Variants in PEX5L observed in about 807,000 individuals in gnomAD.
PEX5L encodes PEX5-related protein.
PEX5L carries 30 observed loss-of-function variants against 84.0 expected under a neutral mutation model. That is an observed-to-expected ratio of 0.36 (90% CI 0.27 to 0.48). PEX5L has a LOEUF of 0.48. PEX5L is among the 20% of genes least tolerant of loss of function. The probability of loss-of-function intolerance (pLI) is 0.99; values close to 1 mark genes in which losing one functional copy is unlikely to be tolerated. For missense variants in PEX5L, 533 were observed against 754.6 expected (o/e 0.71, Z 3.44); for synonymous variants, 270 against 283.1 (o/e 0.95, Z 0.46).
rs746551798 is a variant in PEX5L, at chr3:179,875,448, C to G, written c.535G>C (p.Asp179His). The change falls in exon 6 of 15, where the codon GAT becomes CAT. Residue 179 changes from aspartate to histidine, a missense_variant. Coordinates refer to ENST00000467460, the MANE Select transcript of PEX5L (RefSeq NM_016559.3). ...DIQTQLEKWD[D>H]VKFHGDRNTK... is the part of the protein sequence containing the mutation. ...TTTCGATCTCCATGAAACTTAACAT[C>G]GTCCCATTTTTCCAGTTGTGTTTGA... 6.2e-7 allele frequency: 1 copy of G among 1,608,872 alleles called. No individual in the cohort carries two copies. The highest frequency in any genetic ancestry group is 2.2e-5 in the East Asian group (1 of 44,540).
At chr3:179,957,361 G>A (rs960959027) in intron 2 of PEX5L, among the ~76,000 whole-genome samples, 1 of 152,154 alleles carries the variant, frequency 6.6e-6, no homozygotes, top group African/African-American at 2.4e-5. Flanking sequence ...GGCTCAGGGA[G>A]GAAGGCTGGG....
intron 2 of PEX5L, among the ~76,000 whole-genome samples, chr3:179,920,519 T>C (rs1768951491): frequency 1.3e-5 from 2 of 152,144 alleles, no homozygotes; most frequent in South Asian, 4.1e-4. Flanking sequence ...AGATAACCTG[T>C]TATATAACAG....
chr3:179,959,817 G>A (rs2110084212), intron 2 of PEX5L, among the ~76,000 whole-genome samples: 1 of 152,198 alleles, frequency 6.6e-6, no homozygotes, highest in Middle Eastern at 3.4e-3. Flanking sequence ...CTCACCACAT[G>A]GGAAGAACCA....
chr3:179,922,749 C>A (rs955179417), intron 2 of PEX5L, among the ~76,000 whole-genome samples: 1 of 151,842 alleles, frequency 6.6e-6, no homozygotes. Flanking sequence ...CCACTGTGCC[C>A]AGCCCTTTTC....
At chr3:179,954,360 A>T (rs1431155733) in intron 2 of PEX5L, among the ~76,000 whole-genome samples, 1 of 138,006 alleles carries the variant, frequency 7.2e-6, no homozygotes, top group East Asian at 2.2e-4. Flanking sequence ...GCAAACTAGG[A>T]AACAGAACAA....
chr3:179,849,177 C>T (rs190090654), intron 8 of PEX5L, among the ~76,000 whole-genome samples: 3 of 152,248 alleles, frequency 2.0e-5, no homozygotes, highest in Non-Finnish European at 4.4e-5. Context: ...TACCAGTTTC[C>T]TAAACTTTAT....
intron 2 of PEX5L, among the ~76,000 whole-genome samples, chr3:179,971,371 A>G (rs891019366): frequency 2.0e-5 from 3 of 152,084 alleles, no homozygotes; most frequent in Non-Finnish European, 4.4e-5. Context: ...TTCTAGCTTT[A>G]TTTCCATCAT....
intron 1 of PEX5L, among the ~76,000 whole-genome samples, chr3:179,986,416 T>C (rs1430493625): frequency 6.7e-6 from 1 of 148,362 alleles, no homozygotes; most frequent in East Asian, 2.0e-4. Flanking sequence ...TTTTTTTTTT[T>C]TTTTGAGAGG....
intron 2 of PEX5L, among the ~76,000 whole-genome samples, chr3:179,901,366 C>T (rs1427109867): frequency 1.3e-5 from 2 of 152,220 alleles, no homozygotes; most frequent in South Asian, 2.1e-4. Flanking sequence ...ACCAAAGGGT[C>T]GGTTTTCATC....
At chr3:179,914,932 G>A (rs1260733635) in intron 2 of PEX5L, among the ~76,000 whole-genome samples, 1 of 151,722 alleles carries the variant, frequency 6.6e-6, no homozygotes, top group African/African-American at 2.4e-5. Flanking sequence ...AGGGAGAAAG[G>A]AAAGAAAGAA....
intron 3 of PEX5L, chr3:179,888,177 GT>G: frequency 7.8e-7 from 1 of 1,289,596 alleles, no homozygotes; most frequent in African/African-American, 1.5e-5. Context: ...AAGATGACAT[GT>G]TCTGGTTAGC....
At chr3:179,848,012 G>A (rs1375669060) in intron 8 of PEX5L, among the ~76,000 whole-genome samples, 1 of 150,960 alleles carries the variant, frequency 6.6e-6, no homozygotes, top group Non-Finnish European at 1.5e-5. Flanking sequence ...GCAGATAGCT[G>A]ACTTGAATAT....
chr3:179,879,914 A>T lies in PEX5L; in HGVS notation c.505+15T>A. 1 of 1,535,540 alleles carries T rather than the reference A, an allele frequency of 6.5e-7. No homozygotes were observed. The highest frequency in any genetic ancestry group is 8.7e-7 in the Non-Finnish European group (1 of 1,143,214). On this transcript the variant is annotated intron_variant, in intron 5 of 14. Coordinates refer to ENST00000467460, the MANE Select transcript of PEX5L (RefSeq NM_016559.3). Reference sequence around the variant, plus strand: ...AGCAAGGTTGAGCATCCATAGCCGCAAGCGATTGCCTTACCTAGATCTAAG... The same window carrying T: ...AGCAAGGTTGAGCATCCATAGCCGCTAGCGATTGCCTTACCTAGATCTAAG...
chr3:180,003,631 T>A (rs1218720718), intron 1 of PEX5L, among the ~76,000 whole-genome samples: 1 of 152,150 alleles, frequency 6.6e-6, no homozygotes, highest in Non-Finnish European at 1.5e-5. Flanking sequence ...AGATCTTTGA[T>A]TCAAGCTCAA....
At chr3:179,809,407 C>T (rs1722838148) in intron 12 of PEX5L, 64 bp downstream of exon 12, 1 of 1,239,400 alleles carries the variant, frequency 8.1e-7, no homozygotes, top group Non-Finnish European at 1.2e-6. Flanking sequence ...CATTAGTTGC[C>T]CTTTAGGTGA....
intron 14 of PEX5L, among the ~76,000 whole-genome samples, chr3:179,803,549 T>C (rs1351261338): frequency 6.6e-6 from 1 of 152,190 alleles, no homozygotes. Flanking sequence ...ACCTGCTGGG[T>C]CTGCCCTCTT....
At chr3:179,898,457 A>G in intron 2 of PEX5L, 1 of 417,914 alleles carries the variant, frequency 2.4e-6, no homozygotes, top group Non-Finnish European at 4.2e-6. Context: ...TTTCCCCTTT[A>G]CAGCTGACAT....
At chr3:179,834,350 G>T (rs1305624955) in intron 8 of PEX5L, among the ~76,000 whole-genome samples, 2 of 152,232 alleles carry the variant, frequency 1.3e-5, no homozygotes, top group African/African-American at 4.8e-5. Context: ...CAGTCTCACT[G>T]AAACTGCAGT....
At chr3:179,850,246 C>T (rs186805586) in intron 8 of PEX5L, among the ~76,000 whole-genome samples, 10 of 152,086 alleles carry the variant, frequency 6.6e-5, no homozygotes, top group African/African-American at 2.4e-4. Context: ...CCTAACTCAG[C>T]CTCCCAGGTA....
Sources: gnomAD v4.1 joint callset for allele counts (sites outside exome capture counted in the v4.1 genomes callset) on GRCh38, gnomAD v4.1.1 for gene constraint, MANE v1.5 for transcripts, NCBI Gene and HGNC (gene_info 2026-07-23, HGNC 2026-07-21) for gene names.